CNOT1: variants seen among roughly 807,000 people sequenced by gnomAD.
CNOT1 encodes CCR4-NOT transcription complex subunit 1, also known as CCR4-associated factor 1.
A neutral mutation model predicts 273.8 loss-of-function variants in CNOT1; 15 were observed. The ratio of observed to expected loss-of-function variants is 0.05; its 90% CI spans 0.04 to 0.08. CNOT1 has a LOEUF of 0.08. Ranked by LOEUF, CNOT1 falls within the 10% of genes least tolerant of loss-of-function variation. CNOT1 has a pLI of 1.00. For missense variants in CNOT1, 1,644 were observed against 2,912.2 expected, an observed-to-expected ratio of 0.56 and a Z score of 10.02; for synonymous variants, 1,022 against 1,005.5, an observed-to-expected ratio of 1.02 and a Z score of -0.31.
intron 2 of CNOT1, among the ~76,000 whole-genome samples, chr16:58,589,821 A>G (rs1316181115): frequency 2.0e-5 from 3 of 152,086 alleles, no homozygotes; most frequent in Non-Finnish European, 2.9e-5. Context: ...AAATTTACCC[A>G]TGTTTGTTTC....
intron 39 of CNOT1, among the ~76,000 whole-genome samples, chr16:58,536,143 T>C (rs1203210422): frequency 1.3e-5 from 2 of 152,314 alleles, no homozygotes; most frequent in South Asian, 2.1e-4. Flanking sequence ...TTTAGCAATA[T>C]ACCTAAAAGT....
intron 17 of CNOT1, 137 bp from the exon 18 acceptor site, chr16:58,558,811 A>C: frequency 8.4e-7 from 1 of 1,188,424 alleles, no homozygotes; most frequent in Non-Finnish European, 1.2e-6. Flanking sequence ...TGATACTTAA[A>C]TCCCAGTTAT....
At chr16:58,541,385 GGT>G in intron 34 of CNOT1, 114 bp downstream of exon 34, 1 of 1,450,532 alleles carries the variant, frequency 6.9e-7, no homozygotes, top group Non-Finnish European at 9.2e-7. Context: ...AAAAACTATA[GGT>G]GTTTTTTCCC....
In CNOT1 at chr16:58,629,770, T is replaced by A. The variant is rs1001748323; in HGVS notation, c.-217A>T. ...GCGCTGGACACAGGAAACTCCTGGG[T>A]CCCCGACTCCGGCTCTCCTCGACCC... On this transcript the variant is annotated 5_prime_UTR_variant, in exon 1 of 49. Coordinates refer to ENST00000317147, the MANE Select transcript of CNOT1 (RefSeq NM_016284.5). The A allele has an allele frequency of 6.6e-6, 1 of 152,336 alleles. No homozygotes were observed. 9.4% of individuals were successfully genotyped at this position (152,336 alleles called of 1,614,324 possible).
chr16:58,616,829 T>C (rs2043102851), intron 1 of CNOT1, among the ~76,000 whole-genome samples: 3 of 152,304 alleles, frequency 2.0e-5, no homozygotes, highest in Non-Finnish European at 1.5e-5. Context: ...CTTTCCCCCA[T>C]GTAGTCTTCT....
intron 2 of CNOT1, among the ~76,000 whole-genome samples, chr16:58,596,490 G>A (rs1052363609): frequency 1.5e-4 from 23 of 152,198 alleles, no homozygotes; most frequent in African/African-American, 4.8e-4. Flanking sequence ...ACTTTATCTC[G>A]TTCCAGCAAG....
rs1477625091 is a variant in CNOT1, at chr16:58,547,301, A to G, written c.3640-5T>C. On this transcript the variant is annotated splice_polypyrimidine_tract_variant and splice_region_variant and intron_variant, in intron 26 of 48. Transcript: ENST00000317147. This position sits in a 1 kb window ranked among gnomAD's most constrained non-coding sequence, Gnocchi z 4.0. ...CAATGATTTCACATCCAAGTCCTAGAATAAGAAAAATACTTTCAAAAGCGG... is the reference window on the plus strand; with the variant it reads ...CAATGATTTCACATCCAAGTCCTAGGATAAGAAAAATACTTTCAAAAGCGG... 1 of 1,612,486 alleles carries G rather than the reference A, an allele frequency of 6.2e-7. No homozygotes were observed. The highest frequency in any genetic ancestry group is 8.5e-7 in the Non-Finnish European group (1 of 1,179,502).
At chr16:58,620,573 G>A (rs1469666046) in intron 1 of CNOT1, among the ~76,000 whole-genome samples, 1 of 150,754 alleles carries the variant, frequency 6.6e-6, no homozygotes, top group Non-Finnish European at 1.5e-5. Flanking sequence ...GAACCCGGAA[G>A]GAGGTGGTTG....
At chr16:58,574,465 C>T in intron 16 of CNOT1, 144 bp downstream of exon 16, 1 of 690,156 alleles carries the variant, frequency 1.4e-6, no homozygotes, top group Non-Finnish European at 2.2e-6. Flanking sequence ...TAGTATGTAT[C>T]ATAAATAGTA....
intron 47 of CNOT1, 34 bp from the exon 48 acceptor site, chr16:58,521,351 A>G (rs2039359865): frequency 1.3e-6 from 2 of 1,563,376 alleles, no homozygotes; most frequent in South Asian, 1.2e-5. Context: ...GTTAATGTAT[A>G]GAAGCATACA....
intron 16 of CNOT1, among the ~76,000 whole-genome samples, chr16:58,572,025 T>G (rs2041291647): frequency 6.6e-6 from 1 of 152,108 alleles, no homozygotes; most frequent in Non-Finnish European, 1.5e-5. Context: ...GGTTCACACC[T>G]GTAATCTCAG....
rs756274247 is a variant in CNOT1, at chr16:58,586,710, G to A, written c.472C>T (p.Arg158Cys). ...FIKQKLPDLL[R>C]SYIDADVSGN... Reference sequence around the variant, plus strand: ...CTGACGTCTGCGTCAATGTAAGAACGCAGAAGATCTGGAAGCTTCTGTTTG... The same window carrying A: ...CTGACGTCTGCGTCAATGTAAGAACACAGAAGATCTGGAAGCTTCTGTTTG... Residue 158 changes from arginine (R) to cysteine (C), a missense_variant, in exon 7 of 49, where the codon CGT becomes TGT. Arg to Cys is a radical substitution (Grantham distance 180, BLOSUM62 -3). This residue lies in a region of CNOT1 where 706 missense variants were observed against 1,021.2 expected (regional missense o/e 0.69). Transcript: ENST00000317147. 1.2e-6 allele frequency: 2 copies of A among 1,613,234 alleles called. No homozygotes were observed. Among genetic ancestry groups the A allele is most frequent in the African/African-American group, 1.3e-5 (1 of 74,968 alleles).
intron 1 of CNOT1, among the ~76,000 whole-genome samples, chr16:58,619,065 T>C (rs1411948393): frequency 2.0e-5 from 3 of 151,966 alleles, no homozygotes; most frequent in Non-Finnish European, 4.4e-5. Flanking sequence ...GACGTAGTGG[T>C]GCACACCTGT....
At chr16:58,527,769 T>C (rs76590847) in intron 44 of CNOT1, among the ~76,000 whole-genome samples, 225 of 152,126 alleles carry the variant, frequency 1.5e-3, no homozygotes, top group East Asian at 0.013. Flanking sequence ...CCTCCAAGAA[T>C]AGCAAGGGAC....
chr16:58,590,389 CCTTCT>C (rs1325278270), intron 2 of CNOT1, among the ~76,000 whole-genome samples: 8 of 152,134 alleles, frequency 5.3e-5, no homozygotes, highest in Admixed American at 2.0e-4. Context: ...TTTCAGTTTC[CCTTCT>C]CTTCATTCAG....
At chr16:58,539,337 T>A (rs535232680) in intron 35 of CNOT1, among the ~76,000 whole-genome samples, 2 of 151,850 alleles carry the variant, frequency 1.3e-5, no homozygotes, top group South Asian at 4.2e-4. Flanking sequence ...TACAAAAAAA[T>A]TAAAAATTAG....
Position 58,549,878 on chromosome 16 carries a change from C to G in CNOT1, c.3363G>C (p.Thr1121=). The G allele has an allele frequency of 3.1e-6, 5 of 1,613,872 alleles. No homozygotes were observed. In the Middle Eastern group the frequency reaches 6.6e-4, roughly 213 times the overall value. The change falls in exon 25 of 49, where the codon ACG becomes ACC. Residue 1121 remains threonine (T), a synonymous_variant. Transcript: ENST00000317147. The part of the protein sequence containing the change: ...MTQKVEELKE[T]VKEEFMPWVS... Reference sequence around the variant, plus strand: ...CCCAAGGCATAAATTCTTCTTTCACCGTTTCCTTTAGCTCTTCAACCTAGC... The same window carrying G: ...CCCAAGGCATAAATTCTTCTTTCACGGTTTCCTTTAGCTCTTCAACCTAGC...
intron 1 of CNOT1, among the ~76,000 whole-genome samples, chr16:58,604,557 G>C (rs1253459309): frequency 6.7e-6 from 1 of 149,434 alleles, no homozygotes; most frequent in Non-Finnish European, 1.5e-5. Context: ...CAAGGCGGGT[G>C]AATCACCTGA....
chr16:58,539,486 CACACACAG>C (rs1321659685), intron 35 of CNOT1, among the ~76,000 whole-genome samples: 12 of 149,386 alleles, frequency 8.0e-5, no homozygotes, highest in African/African-American at 2.9e-4. Context: ...CACACACACA[CACACACAG>C]ACACACACAC....
Sources: allele counts gnomAD v4.1 joint callset (sites outside exome capture counted in the v4.1 genomes callset), GRCh38; gene constraint gnomAD v4.1.1; regional missense constraint gnomAD v4.1.1; non-coding constraint Gnocchi (gnomAD v3.1); transcripts MANE v1.5; gene names NCBI Gene and HGNC (gene_info 2026-07-23, HGNC 2026-07-21).